PDE10A: variants seen among roughly 807,000 people sequenced by gnomAD.
PDE10A encodes the protein phosphodiesterase 10A.
PDE10A carries 39 observed loss-of-function variants against 97.7 expected under a neutral mutation model. The observed-to-expected ratio is 0.40, with a 90% CI of 0.31 to 0.52. PDE10A has a LOEUF of 0.52. Among genes scored for constraint, PDE10A ranks in the 20% least tolerant of loss-of-function variants. PDE10A has a pLI of 0.56. For missense variants in PDE10A, 731 were observed against 1,047.8 expected, an observed-to-expected ratio of 0.70 and a Z score of 4.17; for synonymous variants, 371 against 376.8, an observed-to-expected ratio of 0.98 and a Z score of 0.18.
chr6:165,466,001 G>A lies in PDE10A; in HGVS notation c.1024-15639C>T, dbSNP rs542266199. ...AACAAGCAGGGCATGAGGACAGAAC[G>A]ATCATGGCTGATTATCAGGACTGTC... On this transcript the variant is annotated intron_variant, in intron 3 of 21. Coordinates refer to ENST00000539869, the MANE Select transcript of PDE10A (RefSeq NM_001385079.1). Among the ~76,000 whole-genome samples the A allele has an allele frequency of 6.6e-5, 10 of 152,294 alleles. No individual in the cohort carries two copies. In the South Asian group the frequency reaches 1.2e-3, roughly 19 times the overall value.
At chr6:165,385,978 T>C (rs571599044) in intron 17 of PDE10A, among the ~76,000 whole-genome samples, 16 of 152,226 alleles carry the variant, frequency 1.1e-4, no homozygotes, top group Non-Finnish European at 2.1e-4. Context: ...TTTGTCATTA[T>C]TATTAATTCA....
intron 13 of PDE10A, among the ~76,000 whole-genome samples, chr6:165,398,059 T>C (rs771432843): frequency 5.3e-5 from 8 of 152,248 alleles, no homozygotes; most frequent in Non-Finnish European, 1.0e-4. Context: ...AAGTACTATA[T>C]TTAAATGTTA....
chr6:165,425,219 C>A (rs1486890213), intron 10 of PDE10A, among the ~76,000 whole-genome samples: 1 of 151,970 alleles, frequency 6.6e-6, no homozygotes, highest in African/African-American at 2.4e-5. Context: ...TACATTCAGT[C>A]AACAATTTTT....
chr6:165,985,578 G>T (rs1785166667), intron 1 of PDE10A, among the ~76,000 whole-genome samples: 1 of 152,130 alleles, frequency 6.6e-6, no homozygotes, highest in South Asian at 2.1e-4. Context: ...TTCACATGAC[G>T]CAGCCCTAAG....
chr6:165,635,094 T>G (rs76427226), intron 1 of PDE10A, among the ~76,000 whole-genome samples: 1 of 152,110 alleles, frequency 6.6e-6, no homozygotes, highest in Non-Finnish European at 1.5e-5. Context: ...CTTTAGTAAA[T>G]TGAGTGGGCA....
chr6:165,878,499 T>C (rs1011704453), intron 1 of PDE10A, among the ~76,000 whole-genome samples: 1 of 152,172 alleles, frequency 6.6e-6, no homozygotes, highest in African/African-American at 2.4e-5. Context: ...TCCTAAAATA[T>C]TGTAGAAGCC....
intron 1 of PDE10A, among the ~76,000 whole-genome samples, chr6:165,638,948 A>G (rs1789002038): frequency 6.6e-6 from 1 of 151,838 alleles, no homozygotes; most frequent in South Asian, 2.1e-4. Context: ...ACGCCCTAAC[A>G]ATGCTGATTT....
Position 165,602,343 on chromosome 6 carries a change from G to A in PDE10A, c.866-58775C>T, listed in dbSNP as rs181700464. ...AGCCCTAGGAGGCAGCTACCAGCCC[G>A]TGTGAGTGGACTCTGGGGAATAATC... On this transcript the variant is annotated intron_variant, in intron 1 of 21. Transcript: ENST00000539869. Among the ~76,000 whole-genome samples, 10 of 152,214 alleles carry A rather than the reference G, an allele frequency of 6.6e-5. No individual in the cohort carries two copies. The East Asian group carries it at 9.7e-4, about 15-fold the overall frequency.
chr6:165,744,020 T>C (rs962990754), intron 1 of PDE10A, among the ~76,000 whole-genome samples: 1 of 152,180 alleles, frequency 6.6e-6, no homozygotes, highest in Non-Finnish European at 1.5e-5. Context: ...GAATGATTGA[T>C]CACTTCCCCC....
intron 1 of PDE10A, among the ~76,000 whole-genome samples, chr6:165,830,965 A>T (rs1779893515): frequency 6.6e-6 from 1 of 152,308 alleles, no homozygotes; most frequent in African/African-American, 2.4e-5. Context: ...CTTTTCTCTG[A>T]AAAAACCCCC....
intron 1 of PDE10A, among the ~76,000 whole-genome samples, chr6:165,816,844 G>C (rs1382987639): frequency 6.6e-6 from 1 of 152,094 alleles, no homozygotes; most frequent in Non-Finnish European, 1.5e-5. Flanking sequence ...TTTTTCTGTT[G>C]GGGAAGTGCT....
At chr6:165,374,559 C>A (rs1784489330) in intron 18 of PDE10A, among the ~76,000 whole-genome samples, 1 of 151,878 alleles carries the variant, frequency 6.6e-6, no homozygotes, top group Non-Finnish European at 1.5e-5. Flanking sequence ...ATAAAAAAAT[C>A]TTCAATACAG....
chr6:165,800,278 G>T (rs1336871388), intron 1 of PDE10A, among the ~76,000 whole-genome samples: 1 of 152,196 alleles, frequency 6.6e-6, no homozygotes, highest in Non-Finnish European at 1.5e-5. Flanking sequence ...GGCTGAGAAA[G>T]GCTCGTTCTA....
chr6:165,650,574 T>C (rs1268513692), intron 1 of PDE10A, among the ~76,000 whole-genome samples: 1 of 152,214 alleles, frequency 6.6e-6, no homozygotes, highest in African/African-American at 2.4e-5. Flanking sequence ...TGGACATTCG[T>C]TTACACTGCT....
intron 1 of PDE10A, among the ~76,000 whole-genome samples, chr6:165,626,706 C>T (rs935422989): frequency 5.3e-5 from 8 of 150,158 alleles, no homozygotes; most frequent in East Asian, 4.0e-4. Flanking sequence ...CTCCCTGGTG[C>T]GGCTCACTTT....
At chr6:165,880,146 C>T (rs1781437772) in intron 1 of PDE10A, among the ~76,000 whole-genome samples, 1 of 152,104 alleles carries the variant, frequency 6.6e-6, no homozygotes, top group Non-Finnish European at 1.5e-5. Flanking sequence ...GGGCTGTGAG[C>T]CCAGGTGCTT....
intron 5 of PDE10A, among the ~76,000 whole-genome samples, chr6:165,441,711 G>T (rs988455593): frequency 6.6e-6 from 1 of 152,164 alleles, no homozygotes; most frequent in Admixed American, 6.5e-5. Context: ...TGAACAATGC[G>T]GGTACAGGAG....
chr6:165,345,635 G>A (rs1056560070), intron 18 of PDE10A, among the ~76,000 whole-genome samples: 3 of 152,148 alleles, frequency 2.0e-5, no homozygotes, highest in Non-Finnish European at 4.4e-5. Context: ...TAACCTAGTC[G>A]CTAAAAACAA....
intron 10 of PDE10A, among the ~76,000 whole-genome samples, chr6:165,426,254 G>A (rs1389148810): frequency 6.6e-6 from 1 of 152,118 alleles, no homozygotes; most frequent in African/African-American, 2.4e-5. Flanking sequence ...ATCTTGAAAA[G>A]TTAGGGAACT....
Sources: gnomAD v4.1 joint callset for allele counts (sites outside exome capture counted in the v4.1 genomes callset) on GRCh38, gnomAD v4.1.1 for gene constraint, MANE v1.5 for transcripts, NCBI Gene and HGNC (gene_info 2026-07-23, HGNC 2026-07-21) for gene names.